The following PPP1R12A variants were observed in gnomAD, a reference collection of about 807,000 sequenced individuals.
PPP1R12A encodes the protein myosin binding subunit.
PPP1R12A carries 19 observed loss-of-function variants against 139.6 expected under a neutral mutation model. That is an observed-to-expected ratio of 0.14 (90% confidence interval 0.09 to 0.20). The LOEUF (loss-of-function observed/expected upper bound fraction) is 0.20, where lower values mean the gene tolerates loss of function less well. PPP1R12A is among the 10% of genes least tolerant of loss of function. The pLI, the probability that PPP1R12A is intolerant of heterozygous loss-of-function variation, is 1.00. For missense variants in PPP1R12A, 925 were observed against 1,211.5 expected (o/e 0.76, Z 3.51); for synonymous variants, 427 against 420.6 (o/e 1.02, Z -0.19).
chr12:79,788,483 T>C, intron 21 of PPP1R12A, 165 bp downstream of exon 21: 1 of 606,386 alleles, frequency 1.6e-6, no homozygotes, highest in Non-Finnish European at 2.7e-6. Context: ...TTCCCTTTAA[T>C]AAACAAACAG....
chr12:79,789,416 A>G (rs551142967), intron 20 of PPP1R12A, among the ~76,000 whole-genome samples: 1 of 152,316 alleles, frequency 6.6e-6, no homozygotes, highest in Admixed American at 6.5e-5. Flanking sequence ...TTTAATTGGT[A>G]GCACCTTTCC....
rs1555202833 is a variant in PPP1R12A, at chr12:79,812,382, CTG to C, written c.1240-2374_1240-2373del. The stretch of plus-strand genomic sequence containing the variant: ...TGACCATTCCTTTTCTTGACTGACT[CTG>C]TGTGTGCGTGTGTGTGTGTGTGTGT... On this transcript the variant is annotated intron_variant, in intron 9 of 24. Coordinates refer to ENST00000450142, the MANE Select transcript of PPP1R12A (RefSeq NM_002480.3). Among the ~76,000 whole-genome samples the C allele has an allele frequency of 2.1e-3, 241 of 112,854 alleles. 14 individuals carry two copies. The highest frequency in any genetic ancestry group is 6.5e-3 in the East Asian group (18 of 2,778). 74.0% of individuals were successfully genotyped at this position (112,854 alleles called of 152,430 possible).
intron 1 of PPP1R12A, among the ~76,000 whole-genome samples, chr12:79,925,181 T>C (rs1178002816): frequency 2.0e-5 from 3 of 152,186 alleles, no homozygotes; most frequent in Admixed American, 6.5e-5. Flanking sequence ...TTTATAACCA[T>C]CTAAAACAAT....
At chr12:79,918,952 C>T (rs1376807472) in intron 1 of PPP1R12A, among the ~76,000 whole-genome samples, 6 of 151,908 alleles carry the variant, frequency 3.9e-5, no homozygotes, top group African/African-American at 9.7e-5. Flanking sequence ...CCCGTCTCTA[C>T]TAAAAATACA....
At position 79,852,402 on chromosome 12, in the gene PPP1R12A, C is replaced by T. The variant is rs889366289; in HGVS notation, c.369-6982G>A. On this transcript the variant is annotated intron_variant, in intron 2 of 24. Transcript: ENST00000450142. The stretch of plus-strand genomic sequence containing the variant: ...GTAGAGATGAGGTTTCGCCATGTTG[C>T]GCAGGCTGGTCTCAAACTCCTAGAC... Among the ~76,000 whole-genome samples the T allele has an allele frequency of 2.6e-5, 4 of 151,662 alleles. No individual in the cohort carries two copies. The East Asian group carries it at 5.8e-4, about 22-fold the overall frequency.
At chr12:79,894,563 T>C (rs1473492855) in intron 1 of PPP1R12A, among the ~76,000 whole-genome samples, 1 of 152,114 alleles carries the variant, frequency 6.6e-6, no homozygotes, top group Non-Finnish European at 1.5e-5. Flanking sequence ...CACTTAAACA[T>C]ACTGTCATAG....
intron 5 of PPP1R12A, among the ~76,000 whole-genome samples, chr12:79,826,939 T>C (rs1172380503): frequency 6.6e-6 from 1 of 152,120 alleles, no homozygotes; most frequent in African/African-American, 2.4e-5. Context: ...TGGTAAAAGG[T>C]CACTGTTTGG....
chr12:79,873,020 T>C, intron 1 of PPP1R12A, 82 bp from the exon 2 acceptor site: 1 of 1,333,186 alleles, frequency 7.5e-7, no homozygotes, highest in African/African-American at 1.5e-5. Context: ...AAATTCCTAC[T>C]TTGTAGCTTT....
chr12:79,932,412 G>A (rs532225965), intron 1 of PPP1R12A, among the ~76,000 whole-genome samples: 2 of 152,170 alleles, frequency 1.3e-5, no homozygotes, highest in South Asian at 2.1e-4. Context: ...AGAAATGAGA[G>A]TGAAGAAAAC....
At chr12:79,868,882 G>C (rs1882271917) in intron 2 of PPP1R12A, among the ~76,000 whole-genome samples, 1 of 152,116 alleles carries the variant, frequency 6.6e-6, no homozygotes, top group Admixed American at 6.5e-5. Flanking sequence ...TACCTGACCT[G>C]ATATATATAG....
intron 3 of PPP1R12A, among the ~76,000 whole-genome samples, chr12:79,842,386 T>G (rs1234038067): frequency 6.6e-6 from 1 of 152,176 alleles, no homozygotes; most frequent in Non-Finnish European, 1.5e-5. Flanking sequence ...TTCATGGAAT[T>G]TATTTACCTT....
chr12:79,806,112 T>C (rs1279336408), intron 13 of PPP1R12A, 54 bp downstream of exon 13: 19 of 1,535,974 alleles, frequency 1.2e-5, no homozygotes, highest in Middle Eastern at 1.7e-4. Flanking sequence ...CAAAAACGCA[T>C]GCACATACAT....
intron 1 of PPP1R12A, among the ~76,000 whole-genome samples, chr12:79,881,687 G>A (rs919408242): frequency 1.3e-5 from 2 of 152,172 alleles, no homozygotes; most frequent in Middle Eastern, 3.2e-3. Context: ...AAACAATAGC[G>A]TTTCACTGTA....
intron 3 of PPP1R12A, among the ~76,000 whole-genome samples, chr12:79,841,285 T>A (rs918513015): frequency 1.4e-4 from 22 of 152,204 alleles, no homozygotes; most frequent in African/African-American, 4.6e-4. Flanking sequence ...CACCAGTTCC[T>A]TTCTTTGCCA....
At chr12:79,779,529 T>G in intron 23 of PPP1R12A, 1 of 417,426 alleles carries the variant, frequency 2.4e-6, no homozygotes. Flanking sequence ...GATCGTCTTT[T>G]AAGTACCATG....
intron 22 of PPP1R12A, among the ~76,000 whole-genome samples, chr12:79,785,244 G>C (rs953655831): frequency 6.6e-6 from 1 of 152,034 alleles, no homozygotes; most frequent in Non-Finnish European, 1.5e-5. Context: ...TTACTTTTCT[G>C]TTTATCTTTA....
intron 2 of PPP1R12A, among the ~76,000 whole-genome samples, chr12:79,845,988 T>C (rs1180203019): frequency 2.0e-5 from 1 of 50,780 alleles, no homozygotes; most frequent in Non-Finnish European, 6.0e-5. Flanking sequence ...TCCTTACTGG[T>C]CTCTGCGCTC....
intron 22 of PPP1R12A, 192 bp from the exon 23 acceptor site, chr12:79,782,054 T>C (rs1870518921): frequency 7.9e-6 from 3 of 377,548 alleles, no homozygotes; most frequent in Admixed American, 8.8e-5. Context: ...AGAAATAGAA[T>C]GGTAACCAGA....
At chr12:79,934,010 G>T (rs1195847289) in intron 1 of PPP1R12A, among the ~76,000 whole-genome samples, 2 of 59,432 alleles carry the variant, frequency 3.4e-5, no homozygotes, top group Non-Finnish European at 1.8e-4. Context: ...ACACGTTCCG[G>T]TCCGGAGGTG....
Sources: allele counts gnomAD v4.1 joint callset (sites outside exome capture counted in the v4.1 genomes callset), GRCh38; gene constraint gnomAD v4.1.1; transcripts MANE v1.5; gene names NCBI Gene and HGNC (gene_info 2026-07-23, HGNC 2026-07-21).